RAPGEF2: variants seen among roughly 807,000 people sequenced by gnomAD.
The protein encoded by RAPGEF2 is PDZ domain containing guanine nucleotide exchange factor (GEF) 1.
Under a neutral mutation model 186.7 loss-of-function variants are expected in RAPGEF2, and 54 were observed. The observed-to-expected ratio is 0.29, with a 90% CI of 0.23 to 0.36. The LOEUF is 0.36. Among genes scored for constraint, RAPGEF2 ranks in the 10% least tolerant of loss-of-function variants. RAPGEF2 has a pLI of 1.00. For missense variants in RAPGEF2, 1,532 were observed against 2,045.0 expected (o/e 0.75, Z 4.84); for synonymous variants, 712 against 705.9 (o/e 1.01, Z -0.14).
chr4:159,206,152 G>A (rs548038280), intron 3 of RAPGEF2, among the ~76,000 whole-genome samples: 1 of 152,098 alleles, frequency 6.6e-6, no homozygotes, highest in Non-Finnish European at 1.5e-5. Context: ...GGATGGTCTC[G>A]ATCTCCTGAC....
At chr4:159,308,789 C>T (rs1763610209) in intron 8 of RAPGEF2, among the ~76,000 whole-genome samples, 3 of 152,180 alleles carry the variant, frequency 2.0e-5, no homozygotes, top group African/African-American at 7.2e-5. Flanking sequence ...AACAGGAACA[C>T]ATCCTGGGGA....
chr4:159,318,745 C>T (rs948404211), intron 9 of RAPGEF2, among the ~76,000 whole-genome samples: 1 of 151,504 alleles, frequency 6.6e-6, no homozygotes, highest in African/African-American at 2.4e-5. Flanking sequence ...TTTAACAAGC[C>T]CCGGGTTTTT....
chr4:159,344,803 G>GT (rs879838152), intron 23 of RAPGEF2, among the ~76,000 whole-genome samples: 1 of 152,116 alleles, frequency 6.6e-6, no homozygotes, highest in African/African-American at 2.4e-5. Context: ...GCTTTTACAT[G>GT]TAATTATTGT....
At chr4:159,111,153 C>T (rs1315306229) in intron 1 of RAPGEF2, among the ~76,000 whole-genome samples, 1 of 152,030 alleles carries the variant, frequency 6.6e-6, no homozygotes, top group Admixed American at 6.6e-5. Context: ...ACCCTTGGTG[C>T]GGTGGTGGTG....
At chr4:159,219,347 CTTTTTTTTTTTT>C (rs70962664) in intron 4 of RAPGEF2, among the ~76,000 whole-genome samples, 90 of 81,416 alleles carry the variant, frequency 1.1e-3, no homozygotes, top group Non-Finnish European at 1.5e-3. Context: ...CAACTGTATC[CTTTTTTTTTTTT>C]TTTTTTTTTT....
Position 159,158,801 on chromosome 4 carries a change from C to T in RAPGEF2, c.70-27841C>T, listed in dbSNP as rs80142496. Among the ~76,000 whole-genome samples, 405 of 152,200 alleles carry T rather than the reference C, an allele frequency of 2.7e-3. 6 individuals carry two copies. Among genetic ancestry groups the T allele is most frequent in the Admixed American group, 0.02 (302 of 15,292 alleles). ...TACTAGCGTTATTTGCCAGGTTGGA[C>T]CTTGGAACCTGAAGGAACCAGAAAT... On this transcript the variant is annotated intron_variant, in intron 1 of 29. Transcript: ENST00000691494.
intron 10 of RAPGEF2, 69 bp from the exon 11 acceptor site, chr4:159,323,390 C>A: frequency 1.6e-6 from 2 of 1,274,256 alleles, no homozygotes; most frequent in Non-Finnish European, 2.1e-6. Flanking sequence ...TTTTTAGGGA[C>A]CATACTGGCA....
intron 7 of RAPGEF2, among the ~76,000 whole-genome samples, chr4:159,257,938 C>T (rs1362530704): frequency 6.6e-6 from 1 of 152,060 alleles, no homozygotes; most frequent in South Asian, 2.1e-4. Flanking sequence ...GTTTCTTGTC[C>T]TATCCCATTT....
intron 11 of RAPGEF2, chr4:159,326,640 C>G (rs1420008329): frequency 6.6e-6 from 1 of 152,184 alleles, no homozygotes; most frequent in African/African-American, 2.4e-5. Context: ...ACTTCAGTGT[C>G]TATTCTTACT....
chr4:159,294,172 GCCT>G (rs1561226347), intron 7 of RAPGEF2, among the ~76,000 whole-genome samples: 3 of 152,096 alleles, frequency 2.0e-5, no homozygotes, highest in African/African-American at 7.2e-5. Context: ...TCTGTGTAAG[GCCT>G]CCTTCCCAAA....
chr4:159,128,449 A>C (rs1375464960), intron 1 of RAPGEF2, among the ~76,000 whole-genome samples: 4 of 152,168 alleles, frequency 2.6e-5, no homozygotes, highest in African/African-American at 9.7e-5. Flanking sequence ...AAGTATTACT[A>C]TTGCTGACAT....
chr4:159,354,615 CCT>C (rs149604073), intron 28 of RAPGEF2, among the ~76,000 whole-genome samples: 3,529 of 152,194 alleles, frequency 0.023, 86 homozygotes, highest in African/African-American at 0.059. Flanking sequence ...GGATTGAATC[CCT>C]GTTTTGCCAC....
intron 1 of RAPGEF2, among the ~76,000 whole-genome samples, chr4:159,119,184 T>C (rs1190988512): frequency 6.6e-6 from 1 of 151,900 alleles, no homozygotes; most frequent in Non-Finnish European, 1.5e-5. Context: ...CAGTGCAGGG[T>C]TGGGTTGGTG....
intron 1 of RAPGEF2, among the ~76,000 whole-genome samples, chr4:159,148,142 T>C (rs1410482350): frequency 6.6e-6 from 1 of 152,180 alleles, no homozygotes; most frequent in Non-Finnish European, 1.5e-5. Flanking sequence ...ATTAGATCTA[T>C]ATCAAAAATT....
At chr4:159,137,709 C>A (rs371538842) in intron 1 of RAPGEF2, among the ~76,000 whole-genome samples, 1,312 of 121,898 alleles carry the variant, frequency 0.011, no homozygotes, top group Non-Finnish European at 0.013. Flanking sequence ...AAAATAAATG[C>A]AAAAAAAAAA....
At chr4:159,108,010 A>C (rs913682505) in intron 1 of RAPGEF2, among the ~76,000 whole-genome samples, 2 of 152,184 alleles carry the variant, frequency 1.3e-5, no homozygotes, top group African/African-American at 4.8e-5. Context: ...TCTGTATGCC[A>C]TTTAAAAAGC....
At chr4:159,312,119 G>T (rs1208284637) in intron 8 of RAPGEF2, among the ~76,000 whole-genome samples, 1 of 151,734 alleles carries the variant, frequency 6.6e-6, no homozygotes, top group African/African-American at 2.4e-5. Context: ...TATTTCTTTG[G>T]GATGGTATAA....
chr4:159,176,365 G>A (rs1298803907), intron 1 of RAPGEF2, among the ~76,000 whole-genome samples: 1 of 152,078 alleles, frequency 6.6e-6, no homozygotes, highest in African/African-American at 2.4e-5. Context: ...TGGGAAATTC[G>A]TGGGTAAAGT....
At chr4:159,326,183 C>T (rs1765899105) in intron 11 of RAPGEF2, among the ~76,000 whole-genome samples, 1 of 152,168 alleles carries the variant, frequency 6.6e-6, no homozygotes, top group Non-Finnish European at 1.5e-5. Flanking sequence ...AATGTAAGTA[C>T]TTGCTTGGGA....
Sources: allele counts gnomAD v4.1 joint callset (sites outside exome capture counted in the v4.1 genomes callset), GRCh38; gene constraint gnomAD v4.1.1; transcripts MANE v1.5; gene names NCBI Gene and HGNC (gene_info 2026-07-23, HGNC 2026-07-21).